The following COMMD5 variants were observed in gnomAD, a reference collection of about 807,000 sequenced individuals.
COMMD5 encodes the protein COMM domain containing 5, also known as COMM domain-containing protein 5.
COMMD5 carries 10 observed loss-of-function variants against 6.9 expected under a neutral mutation model. The observed-to-expected ratio is 1.44, with a 90% CI of 0.89 to 2.45. The LOEUF is 2.45. Among genes scored for constraint, COMMD5 ranks in the 30% most tolerant of loss-of-function variants. The probability of loss-of-function intolerance (pLI) is 0.00; values close to 1 mark genes in which losing one functional copy is unlikely to be tolerated. For synonymous variants in COMMD5, 127 were observed against 125.3 expected (o/e 1.01, Z -0.09); for missense variants, 234 against 287.8 (o/e 0.81, Z 1.35).
downstream of COMMD5, among the ~76,000 whole-genome samples, chr8:144,848,857 T>C (rs1830621136): frequency 6.6e-6 from 1 of 152,182 alleles, no homozygotes; most frequent in Non-Finnish European, 1.5e-5. Flanking sequence ...ACTCGGGCAG[T>C]GCCAGCCCCA....
intron 1 of COMMD5, chr8:144,842,775 T>C (rs1312038775): frequency 1.2e-6 from 2 of 1,614,210 alleles, no homozygotes; most frequent in East Asian, 2.2e-5. Context: ...ATAAATGTAA[T>C]GAATGTGGGA....
At chr8:144,841,685 G>A in exon 2 of COMMD5, 1 of 1,614,156 alleles carries the variant, frequency 6.2e-7, no homozygotes, top group Non-Finnish European at 8.5e-7. Flanking sequence ...AGTGCGGAAG[G>A]GATGTCCCAG....
At chr8:144,840,886 A>G (rs147259323), downstream of COMMD5, among the ~76,000 whole-genome samples, 321 of 152,280 alleles carry the variant, frequency 2.1e-3, 3 homozygotes, top group Admixed American at 0.011. Context: ...CTCACGTAGT[A>G]AGTCCCTTGG....
chr8:144,848,188 AT>A (rs1299557239), downstream of COMMD5, among the ~76,000 whole-genome samples: 1 of 151,948 alleles, frequency 6.6e-6, no homozygotes, highest in Non-Finnish European at 1.5e-5. Flanking sequence ...TCTACAAAAA[AT>A]CTGAAAATTA....
intron 1 of COMMD5, chr8:144,843,537 G>T (rs560815297): frequency 5.3e-5 from 8 of 151,838 alleles, no homozygotes; most frequent in Middle Eastern, 3.3e-3. Flanking sequence ...GCAGTGAGCT[G>T]AGATCGCGCC....
chr8:144,838,287 T>G (rs1440798644), downstream of COMMD5: 1 of 590,862 alleles, frequency 1.7e-6, no homozygotes, highest in Non-Finnish European at 3.1e-6. Context: ...GGTGACTAAT[T>G]AATCTGCAAC....
chr8:144,843,021 CTGTGAGAAGAT>C (rs1563847068), intron 1 of COMMD5: 1 of 1,614,184 alleles, frequency 6.2e-7, no homozygotes, highest in South Asian at 1.1e-5. Context: ...AGTGTGAAGA[CTGTGAGAAGAT>C]ATTTAGGTGG....
downstream of COMMD5, chr8:144,838,386 C>T: frequency 2.1e-6 from 1 of 480,736 alleles, no homozygotes; most frequent in Non-Finnish European, 3.7e-6. Context: ...ACCAGGGCAC[C>T]CACTGCCTCC....
chr8:144,848,964 A>G (rs935617339), downstream of COMMD5, among the ~76,000 whole-genome samples: 2 of 152,200 alleles, frequency 1.3e-5, no homozygotes, highest in African/African-American at 2.4e-5. Flanking sequence ...GACAAGCCCA[A>G]GGGTTCACAG....
chr8:144,840,603 A>G (rs1416688478), downstream of COMMD5, among the ~76,000 whole-genome samples: 1 of 152,194 alleles, frequency 6.6e-6, no homozygotes, highest in African/African-American at 2.4e-5. Context: ...AGGGTTACAG[A>G]GTAGGACAGA....
At position 144,842,393 on chromosome 8, in the gene COMMD5, G is replaced by C. The variant is rs749991522; in HGVS notation, c.*117-650C>G. On this transcript the variant is annotated intron_variant and NMD_transcript_variant, in intron 1 of 1. Coordinates refer to the COMMD5 transcript ENST00000530332. ...GCTTTTAGGTGGATCTCTCGCCTGA[G>C]TCAGCATCAGCTGATTCACACTGGA... The C allele has an allele frequency of 1.3e-5, 21 of 1,613,996 alleles. No individual in the cohort carries two copies. The East Asian group carries it at 4.7e-4, about 36-fold the overall frequency.
rs780040825 is a variant in COMMD5 at position 144,850,901 on chromosome 8, C to T, written c.438G>A (p.Gly146=). 5.0e-6 allele frequency: 8 copies of T among 1,609,890 alleles called. No homozygotes were observed. Among genetic ancestry groups the T allele is most frequent in the Non-Finnish European group, 6.8e-6 (8 of 1,178,562 alleles). ...PLLDSVAQQQ[G]AWLPHVADFR... is the part of the protein sequence containing the mutation. ...AGTCAGCAACATGCGGCAGCCAGGC[C>T]CCCTGCTGCTGGGCCACAGAATCAA... The change falls in exon 2 of 2, where the codon GGG becomes GGA. Residue 146 remains glycine, a synonymous_variant. Transcript: ENST00000305103. The surrounding 1 kb of genome is among the most constrained non-coding windows in gnomAD (Gnocchi z 4.0).
At chr8:144,845,028 A>G (rs563360879) in intron 1 of COMMD5, among the ~76,000 whole-genome samples, 26 of 152,124 alleles carry the variant, frequency 1.7e-4, no homozygotes, top group Non-Finnish European at 2.8e-4. Context: ...GAGGAGAAAC[A>G]GGGGCAGGGT....
downstream of COMMD5, chr8:144,846,391 C>G (rs950698073): frequency 1.8e-6 from 1 of 560,660 alleles, no homozygotes; most frequent in Non-Finnish European, 3.1e-6. Flanking sequence ...CATTTGAAAA[C>G]TATGTTAAAA....
At chr8:144,838,957 A>AGC (rs2130652315), downstream of COMMD5, 2 of 152,122 alleles carry the variant, frequency 1.3e-5, no homozygotes, top group Admixed American at 6.6e-5. Flanking sequence ...AAAAAAAAAA[A>AGC]AAAAAGCAGG....
At chr8:144,840,149 A>G (rs1050123449), downstream of COMMD5, among the ~76,000 whole-genome samples, 2 of 152,224 alleles carry the variant, frequency 1.3e-5, no homozygotes, top group Non-Finnish European at 2.9e-5. Context: ...AGGAGTGTCA[A>G]GCAAGCCCTG....
At chr8:144,848,202 C>T (rs531567505), downstream of COMMD5, among the ~76,000 whole-genome samples, 41 of 151,352 alleles carry the variant, frequency 2.7e-4, no homozygotes, top group Admixed American at 9.9e-4. Context: ...GAAAATTAGC[C>T]GGGTGTGGTG....
chr8:144,838,672 G>C (rs1173830576), downstream of COMMD5: 1 of 152,902 alleles, frequency 6.5e-6, no homozygotes, highest in African/African-American at 2.4e-5. Context: ...GCCGGGCATG[G>C]TGGCTCACGC....
At chr8:144,839,250 G>C (rs1829531297), downstream of COMMD5, among the ~76,000 whole-genome samples, 1 of 152,200 alleles carries the variant, frequency 6.6e-6, no homozygotes, top group African/African-American at 2.4e-5. Flanking sequence ...CCCCTAGGCA[G>C]CTTCAAAGGA....
Sources: gnomAD v4.1 joint callset for allele counts (sites outside exome capture counted in the v4.1 genomes callset) on GRCh38, gnomAD v4.1.1 for gene constraint, Gnocchi (gnomAD v3.1) non-coding constraint, MANE v1.5 for transcripts, NCBI Gene and HGNC (gene_info 2026-07-23, HGNC 2026-07-21) for gene names.